FGF14: variants seen among roughly 807,000 people sequenced by gnomAD.
The protein encoded by FGF14 is fibroblast growth factor homologous factor 4.
A neutral mutation model predicts 25.5 loss-of-function variants in FGF14; 5 were observed. The ratio of observed to expected loss-of-function variants is 0.20; its 90% CI spans 0.10 to 0.41. The LOEUF (loss-of-function observed/expected upper bound fraction) is 0.41. FGF14 is among the 10% of genes least tolerant of loss of function. The probability of loss-of-function intolerance (pLI) is 1.00; values close to 1 mark genes in which losing one functional copy is unlikely to be tolerated. For missense variants in FGF14, 222 were observed against 320.1 expected (o/e 0.69, Z 2.34); for synonymous variants, 138 against 118.3 (o/e 1.17, Z -1.08).
chr13:102,253,309 C>T (rs1189641218), intron 1 of FGF14, among the ~76,000 whole-genome samples: 1 of 152,180 alleles, frequency 6.6e-6, no homozygotes, highest in Admixed American at 6.5e-5. Context: ...GTTCCTATTT[C>T]TCCACATCCT....
rs74708769 is a variant in FGF14 at position 101,808,055 on chromosome 13, T to C, written c.408+60670A>G. Among the ~76,000 whole-genome samples, 33 of 152,166 alleles carry C rather than the reference T, an allele frequency of 2.2e-4. No homozygotes were observed. In the East Asian group the frequency reaches 3.5e-3, roughly 16 times the overall value. ...TAGCTAATAAGCAAGAAATATACTA[T>C]ATATTGTTATCCCACACAGAGTTTA... On this transcript the variant is annotated intron_variant, in intron 3 of 4. Transcript: ENST00000376143.
chr13:102,253,497 G>A (rs530877723), intron 1 of FGF14, among the ~76,000 whole-genome samples: 17 of 152,064 alleles, frequency 1.1e-4, no homozygotes, highest in South Asian at 4.2e-4. Context: ...CATATCCTTC[G>A]CCCACTTTTT....
chr13:101,799,914 A>G (rs1307192753), intron 3 of FGF14, among the ~76,000 whole-genome samples: 1 of 152,166 alleles, frequency 6.6e-6, no homozygotes, highest in Non-Finnish European at 1.5e-5. Context: ...GTTGCATGAT[A>G]ACATGTATAG....
intron 3 of FGF14, among the ~76,000 whole-genome samples, chr13:101,810,777 T>C (rs770451950): frequency 6.6e-6 from 1 of 152,206 alleles, no homozygotes; most frequent in Non-Finnish European, 1.5e-5. Context: ...TTCCAAAATA[T>C]TCTGCTTTTT....
intron 1 of FGF14, among the ~76,000 whole-genome samples, chr13:102,116,285 A>T (rs2045466877): frequency 6.6e-6 from 1 of 152,174 alleles, no homozygotes. Flanking sequence ...GTCATTATGG[A>T]AAACAGTTTG....
At chr13:102,033,725 A>G (rs2041331620) in intron 1 of FGF14, among the ~76,000 whole-genome samples, 1 of 152,164 alleles carries the variant, frequency 6.6e-6, no homozygotes, top group South Asian at 2.1e-4. Context: ...TTCAGCAAGA[A>G]AGCTCACTGG....
At chr13:101,961,195 A>T (rs4771411) in intron 1 of FGF14, among the ~76,000 whole-genome samples, 15,939 of 152,154 alleles carry the variant, frequency 0.1, 956 homozygotes, top group Admixed American at 0.2. Context: ...GTTTAACTAG[A>T]TCCCATGTGT....
chr13:102,271,517 T>C (rs1316494577), intron 1 of FGF14, among the ~76,000 whole-genome samples: 1 of 151,994 alleles, frequency 6.6e-6, no homozygotes, highest in Admixed American at 6.6e-5. Flanking sequence ...AAATCAAATA[T>C]TATTTCTCCC....
intron 1 of FGF14, among the ~76,000 whole-genome samples, chr13:101,914,431 C>T (rs1290667470): frequency 6.6e-6 from 1 of 151,824 alleles, no homozygotes; most frequent in Non-Finnish European, 1.5e-5. Context: ...TTCCTTATAA[C>T]GTATCTTCCC....
chr13:102,213,821 C>T (rs1166878861), intron 1 of FGF14, among the ~76,000 whole-genome samples: 1 of 152,176 alleles, frequency 6.6e-6, no homozygotes, highest in Non-Finnish European at 1.5e-5. Context: ...TTACCAGCCT[C>T]TTTAGATGGC....
At chr13:102,138,876 T>C (rs1269659355) in intron 1 of FGF14, among the ~76,000 whole-genome samples, 2 of 152,210 alleles carry the variant, frequency 1.3e-5, no homozygotes, top group Non-Finnish European at 2.9e-5. Flanking sequence ...AGTAAAACCG[T>C]GTTTTAGTGT....
chr13:101,741,435 A>C (rs965832360), intron 3 of FGF14, among the ~76,000 whole-genome samples: 1 of 152,202 alleles, frequency 6.6e-6, no homozygotes, highest in East Asian at 1.9e-4. Context: ...TGTTATTTCC[A>C]TAGGAAACCA....
intron 1 of FGF14, among the ~76,000 whole-genome samples, chr13:102,387,579 T>C (rs969137700): frequency 6.6e-6 from 1 of 152,222 alleles, no homozygotes; most frequent in Non-Finnish European, 1.5e-5. Context: ...TATTTTTATA[T>C]TTTTAAACTT....
At chr13:102,345,151 A>G (rs978017895) in intron 1 of FGF14, among the ~76,000 whole-genome samples, 2 of 152,194 alleles carry the variant, frequency 1.3e-5, no homozygotes. Flanking sequence ...CCCTTTCAAG[A>G]GATACTCTAC....
chr13:102,190,868 G>C (rs934883209), intron 1 of FGF14, among the ~76,000 whole-genome samples: 4 of 152,114 alleles, frequency 2.6e-5, no homozygotes, highest in Non-Finnish European at 5.9e-5. Flanking sequence ...AATGAGAACA[G>C]TGACCTTTCT....
At chr13:102,120,043 C>G (rs2045646351) in intron 1 of FGF14, among the ~76,000 whole-genome samples, 1 of 152,170 alleles carries the variant, frequency 6.6e-6, no homozygotes, top group African/African-American at 2.4e-5. Context: ...GCCCTACAGA[C>G]ACCTCCTCAG....
At chr13:102,402,042 G>T, upstream of FGF14, 1 of 116,088 alleles carries the variant, frequency 8.6e-6, no homozygotes. Context: ...GCCCCTAGGA[G>T]AGAAGGAAAA....
At chr13:101,980,994 G>GCCCC (rs2038214185) in intron 1 of FGF14, among the ~76,000 whole-genome samples, 1 of 151,118 alleles carries the variant, frequency 6.6e-6, no homozygotes, top group Non-Finnish European at 1.5e-5. Flanking sequence ...GTAATCCTAA[G>GCCCC]ACTTTGGGAG....
chr13:101,935,604 A>G (rs530596113), intron 1 of FGF14, among the ~76,000 whole-genome samples: 4 of 152,264 alleles, frequency 2.6e-5, no homozygotes, highest in Admixed American at 2.6e-4. Flanking sequence ...TGCCCTGTGA[A>G]GAGGTGCCTT....
Sources: gnomAD v4.1 joint callset for allele counts (sites outside exome capture counted in the v4.1 genomes callset) on GRCh38, gnomAD v4.1.1 for gene constraint, MANE v1.5 for transcripts, NCBI Gene and HGNC (gene_info 2026-07-23, HGNC 2026-07-21) for gene names.